Variants in WWOX observed in about 807,000 individuals in gnomAD.
WWOX encodes WW domain containing oxidoreductase.
Under a neutral mutation model 46.2 loss-of-function variants are expected in WWOX, and 69 were observed. The observed-to-expected ratio is 1.49, with a 90% CI of 1.23 to 1.82. The LOEUF is 1.82. WWOX is among the 40% of genes most tolerant of loss of function. The pLI is 0.00. For missense variants in WWOX, 919 were observed against 542.6 expected, an observed-to-expected ratio of 1.69 and a Z score of -6.89; for synonymous variants, 359 against 202.6, an observed-to-expected ratio of 1.77 and a Z score of -6.56.
At chr16:78,803,243 T>G (rs1035210681) in intron 8 of WWOX, among the ~76,000 whole-genome samples, 3 of 116,202 alleles carry the variant, frequency 2.6e-5, no homozygotes, top group Non-Finnish European at 5.3e-5. Context: ...GAAGTGAGAG[T>G]TTTTTTTTTT....
intron 5 of WWOX, among the ~76,000 whole-genome samples, chr16:78,300,631 C>A (rs547094695): frequency 7.6e-4 from 116 of 152,174 alleles, no homozygotes; most frequent in African/African-American, 2.6e-3. Flanking sequence ...AATGGCTTGA[C>A]TTTTTCGGGA....
At chr16:78,478,888 A>G (rs2084419953) in intron 8 of WWOX, among the ~76,000 whole-genome samples, 1 of 152,038 alleles carries the variant, frequency 6.6e-6, no homozygotes, top group African/African-American at 2.4e-5. Context: ...CTGTAGTATA[A>G]TTTCATTAAC....
rs894279465 is a variant in WWOX at position 78,994,134 on chromosome 16, C to T, written c.1057-217474C>T. ...ACCTGTCAACATTGGATAAACCATC[C>T]GAGGGAAATTAATCAAAACCCCCTT... On this transcript the variant is annotated intron_variant, in intron 8 of 8. Transcript: ENST00000566780. 5.9e-5 allele frequency among the ~76,000 whole-genome samples: 9 copies of T among 152,246 alleles called. 1 individual carries two copies. The highest frequency in any genetic ancestry group is 5.9e-4 in the Admixed American group (9 of 15,296).
chr16:78,696,633 G>A (rs1479997937), intron 8 of WWOX, among the ~76,000 whole-genome samples: 4 of 50,496 alleles, frequency 7.9e-5, no homozygotes, highest in Non-Finnish European at 2.0e-4. Context: ...GTAGGCTAAT[G>A]TAAGTGTTCT....
intron 5 of WWOX, among the ~76,000 whole-genome samples, chr16:78,332,320 G>C (rs768866260): frequency 1.3e-5 from 2 of 152,142 alleles, no homozygotes; most frequent in Non-Finnish European, 2.9e-5. Flanking sequence ...TATTTGACTA[G>C]TTAAAGCTTA....
At chr16:78,902,369 G>C (rs946069908) in intron 8 of WWOX, among the ~76,000 whole-genome samples, 1 of 152,228 alleles carries the variant, frequency 6.6e-6, no homozygotes, top group Non-Finnish European at 1.5e-5. Context: ...AGTCACCGCT[G>C]ATTAATTACC....
intron 8 of WWOX, among the ~76,000 whole-genome samples, chr16:78,735,731 G>T (rs144839795): frequency 1.3e-5 from 2 of 152,262 alleles, no homozygotes; most frequent in African/African-American, 4.8e-5. Flanking sequence ...GTCAATGATG[G>T]TACCAATGGA....
intron 8 of WWOX, among the ~76,000 whole-genome samples, chr16:78,841,354 G>A (rs2052144198): frequency 1.3e-5 from 2 of 152,154 alleles, no homozygotes; most frequent in Admixed American, 6.5e-5. Context: ...TAAATAGTTG[G>A]GTGCTAGACA....
intron 5 of WWOX, among the ~76,000 whole-genome samples, chr16:78,337,149 A>T (rs1217416937): frequency 6.6e-6 from 1 of 152,116 alleles, no homozygotes; most frequent in African/African-American, 2.4e-5. Flanking sequence ...TTCAAAGAAA[A>T]CATGTTTGTG....
chr16:78,486,029 A>G (rs1041457738), intron 8 of WWOX, among the ~76,000 whole-genome samples: 1 of 152,206 alleles, frequency 6.6e-6, no homozygotes, highest in Non-Finnish European at 1.5e-5. Flanking sequence ...TGAATCGTAG[A>G]TGTTTTATCT....
At chr16:78,410,167 G>T (rs931883211) in intron 6 of WWOX, among the ~76,000 whole-genome samples, 4 of 151,998 alleles carry the variant, frequency 2.6e-5, no homozygotes, top group Non-Finnish European at 4.4e-5. Context: ...TTTGCCTTCC[G>T]CCATGACTGT....
At chr16:79,012,911 G>T (rs557957456) in intron 8 of WWOX, among the ~76,000 whole-genome samples, 1 of 152,226 alleles carries the variant, frequency 6.6e-6, no homozygotes. Context: ...CCACCAGCAG[G>T]CTGGGTGTGG....
chr16:78,975,496 C>T (rs1046226240), intron 8 of WWOX, among the ~76,000 whole-genome samples: 2 of 151,746 alleles, frequency 1.3e-5, no homozygotes, highest in African/African-American at 4.8e-5. Flanking sequence ...CCCCCAGGAG[C>T]CTTTTGAGAT....
At chr16:78,530,767 G>C (rs891786041) in intron 8 of WWOX, among the ~76,000 whole-genome samples, 2 of 152,098 alleles carry the variant, frequency 1.3e-5, no homozygotes, top group East Asian at 3.9e-4. Flanking sequence ...GCAATTCTTT[G>C]TACATATGAA....
intron 8 of WWOX, among the ~76,000 whole-genome samples, chr16:78,512,284 T>G (rs1210659883): frequency 6.6e-6 from 1 of 152,204 alleles, no homozygotes; most frequent in Non-Finnish European, 1.5e-5. Flanking sequence ...ATGGATCACA[T>G]TATAAAAGCA....
chr16:78,942,429 T>C lies in WWOX; in HGVS notation c.1057-269179T>C, dbSNP rs552386183. Among the ~76,000 whole-genome samples the C allele has an allele frequency of 5.3e-5, 8 of 152,038 alleles. No homozygotes were observed. The East Asian group carries it at 1.4e-3, about 26-fold the overall frequency. ...CAGTTTTGAGGACACACTGTAAAAA[T>C]GTATGACAGCAGTTTGAAGATAAGT... On this transcript the variant is annotated intron_variant, in intron 8 of 8. Transcript: ENST00000566780.
intron 8 of WWOX, among the ~76,000 whole-genome samples, chr16:78,683,260 T>C (rs906212134): frequency 1.3e-5 from 2 of 151,966 alleles, no homozygotes; most frequent in African/African-American, 4.8e-5. Context: ...CTTGTAATCT[T>C]AGCACTTTGG....
intron 8 of WWOX, among the ~76,000 whole-genome samples, chr16:79,033,194 A>T (rs1418405869): frequency 7.3e-6 from 1 of 137,762 alleles, no homozygotes; most frequent in Non-Finnish European, 1.5e-5. Context: ...GATAATTTAT[A>T]TATAAATATG....
At chr16:78,246,012 C>G (rs2037804399) in intron 5 of WWOX, among the ~76,000 whole-genome samples, 2 of 152,290 alleles carry the variant, frequency 1.3e-5, no homozygotes, top group East Asian at 1.9e-4. Context: ...TCTCATTCTC[C>G]CTGAATGGTA....
Sources: allele counts gnomAD v4.1 joint callset (sites outside exome capture counted in the v4.1 genomes callset), GRCh38; gene constraint gnomAD v4.1.1; transcripts MANE v1.5; gene names NCBI Gene and HGNC (gene_info 2026-07-23, HGNC 2026-07-21).